Variants in MSRA observed in about 807,000 individuals in gnomAD.
The protein encoded by MSRA is mitochondrial peptide methionine sulfoxide reductase.
Under a neutral mutation model 31.3 loss-of-function variants are expected in MSRA, and 54 were observed. The ratio of observed to expected loss-of-function variants is 1.73; its 90% CI spans 1.39 to 2.17. The LOEUF is 2.17. Ranked by LOEUF, MSRA falls within the 30% of genes most tolerant of loss-of-function variation. MSRA has a pLI of 0.00. For missense variants in MSRA, 507 were observed against 300.9 expected, an observed-to-expected ratio of 1.69 and a Z score of -5.07; for synonymous variants, 169 against 116.5, an observed-to-expected ratio of 1.45 and a Z score of -2.90.
At chr8:10,392,889 GCAAAAAA>G (rs1348338346) in intron 5 of MSRA, among the ~76,000 whole-genome samples, 4 of 81,896 alleles carry the variant, frequency 4.9e-5, no homozygotes, top group Admixed American at 1.5e-4. Context: ...TACTAAAAAT[GCAAAAAA>G]AAAAAAAAAA....
rs184662955 is a variant in MSRA at position 10,410,657 on chromosome 8, C to G, written c.544-17491C>G. On this transcript the variant is annotated intron_variant, in intron 5 of 5. Transcript: ENST00000317173. The stretch of plus-strand genomic sequence containing the variant: ...GGCAGAACCAGGAGAAGAGCCCAGG[C>G]CCCTCTTGTCCCCAACCTCTATGCA... Among the ~76,000 whole-genome samples, 936 of 152,252 alleles carry G rather than the reference C, an allele frequency of 6.1e-3. 35 individuals are homozygous for G. The highest frequency in any genetic ancestry group is 0.049 in the Admixed American group (753 of 15,288).
At chr8:10,254,241 G>C (rs1424847636) in intron 3 of MSRA, among the ~76,000 whole-genome samples, 3 of 152,178 alleles carry the variant, frequency 2.0e-5, no homozygotes, top group Non-Finnish European at 4.4e-5. Flanking sequence ...GTTCTGATGA[G>C]GGTGACCACC....
At chr8:10,424,822 T>TC (rs1251473716) in intron 5 of MSRA, among the ~76,000 whole-genome samples, 1 of 152,184 alleles carries the variant, frequency 6.6e-6, no homozygotes, top group Non-Finnish European at 1.5e-5. Context: ...TCTTTGAAGA[T>TC]CGCCAAGCCT....
Position 10,283,160 on chromosome 8 carries a change from A to ACACACTCTCTCTCTCTCTCTCTCT in MSRA, c.332-18373_332-18372insACACTCTCTCTCTCTCTCTCTCTC. 4.6e-3 allele frequency among the ~76,000 whole-genome samples: 649 copies of ACACACTCTCTCTCTCTCTCTCTCT among 140,218 alleles called. 9 individuals are homozygous for ACACACTCTCTCTCTCTCTCTCTCT. The highest frequency in any genetic ancestry group is 0.031 in the East Asian group (152 of 4,910). 92.0% of individuals were successfully genotyped at this position (140,218 alleles called of 152,430 possible). A position where few individuals can be genotyped will look rare whatever the true frequency, so the allele number is the denominator to read the frequency against. On this transcript the variant is annotated intron_variant, in intron 3 of 5. Transcript: ENST00000317173. ...CACACACACACACACACACACACAC[A>ACACACTCTCTCTCTCTCTCTCTCT]CTCTCACCCTTCTCTTTGCTGGGGA...
chr8:10,071,566 T>G (rs1225538228), intron 1 of MSRA, among the ~76,000 whole-genome samples: 1 of 151,940 alleles, frequency 6.6e-6, no homozygotes, highest in Non-Finnish European at 1.5e-5. Context: ...ATGTCAAGTC[T>G]AAGAACTCTT....
intron 1 of MSRA, among the ~76,000 whole-genome samples, chr8:10,204,173 G>T (rs567372201): frequency 1.3e-5 from 2 of 152,002 alleles, no homozygotes; most frequent in African/African-American, 4.8e-5. Context: ...TACAACAGTC[G>T]AAAAGTAAAA....
chr8:10,211,683 T>C (rs1809510684), intron 2 of MSRA, among the ~76,000 whole-genome samples: 1 of 152,074 alleles, frequency 6.6e-6, no homozygotes, highest in Non-Finnish European at 1.5e-5. Flanking sequence ...CACCCAGAGA[T>C]TAAAGAAACA....
In MSRA at chr8:10,364,164, G is replaced by C. The variant is rs560904705; in HGVS notation, c.543+44175G>C. Among the ~76,000 whole-genome samples, 34 of 152,272 alleles carry C rather than the reference G, an allele frequency of 2.2e-4. 1 individual carries two copies. The highest frequency in any genetic ancestry group is 7.9e-4 in the African/African-American group (33 of 41,548). ...GAATTAGAATTGGAATTAGCTGCTTGTTCTGGCCAGAACACCTGATTGCAA... is the reference window on the plus strand; with the variant it reads ...GAATTAGAATTGGAATTAGCTGCTTCTTCTGGCCAGAACACCTGATTGCAA... On this transcript the variant is annotated intron_variant, in intron 5 of 5. Coordinates refer to ENST00000317173, the MANE Select transcript of MSRA (RefSeq NM_012331.5).
At chr8:10,058,778 C>G (rs1022203852) in intron 1 of MSRA, among the ~76,000 whole-genome samples, 1 of 152,194 alleles carries the variant, frequency 6.6e-6, no homozygotes, top group African/African-American at 2.4e-5. Flanking sequence ...TTGGTGTTAT[C>G]TTAGTTTTAA....
intron 5 of MSRA, among the ~76,000 whole-genome samples, chr8:10,339,494 G>C (rs1220395040): frequency 9.7e-6 from 1 of 102,592 alleles, no homozygotes; most frequent in African/African-American, 3.8e-5. Context: ...TTTTGTGTTT[G>C]TTTTATTCCC....
At chr8:10,348,840 G>A (rs942715341) in intron 5 of MSRA, among the ~76,000 whole-genome samples, 5 of 152,224 alleles carry the variant, frequency 3.3e-5, no homozygotes, top group East Asian at 1.9e-4. Flanking sequence ...GAGAAGGCTT[G>A]GGGGGGACAA....
chr8:10,370,866 A>G (rs1486111866), intron 5 of MSRA, among the ~76,000 whole-genome samples: 1 of 152,236 alleles, frequency 6.6e-6, no homozygotes, highest in Non-Finnish European at 1.5e-5. Context: ...TCATCTGAGC[A>G]GATAAGTGCC....
At chr8:10,309,492 C>G (rs576575670) in intron 4 of MSRA, among the ~76,000 whole-genome samples, 22 of 152,218 alleles carry the variant, frequency 1.4e-4, no homozygotes, top group Non-Finnish European at 4.4e-5. Flanking sequence ...TTCCTCAGCT[C>G]ATGTTCTGAT....
chr8:10,188,784 A>G (rs1281982973), intron 1 of MSRA, among the ~76,000 whole-genome samples: 1 of 152,188 alleles, frequency 6.6e-6, no homozygotes, highest in African/African-American at 2.4e-5. Flanking sequence ...CTGTAACCTT[A>G]CAGTAAGTCC....
At chr8:10,376,409 C>A (rs1275606038) in intron 5 of MSRA, among the ~76,000 whole-genome samples, 1 of 152,290 alleles carries the variant, frequency 6.6e-6, no homozygotes, top group African/African-American at 2.4e-5. Context: ...AGAGGCAGGA[C>A]AGCAGCATCT....
intron 1 of MSRA, among the ~76,000 whole-genome samples, chr8:10,058,715 C>T (rs996757972): frequency 1.6e-4 from 25 of 152,332 alleles, no homozygotes; most frequent in Non-Finnish European, 1.0e-4. Flanking sequence ...CAGACCAAGA[C>T]GAGGAGTGAG....
intron 5 of MSRA, chr8:10,320,234 C>T (rs532617521): frequency 1.7e-4 from 49 of 290,808 alleles, no homozygotes; most frequent in African/African-American, 4.3e-4. Context: ...TTTGGGGGGC[C>T]GAAGCAGAAG....
chr8:10,078,031 T>C (rs814413), intron 1 of MSRA, among the ~76,000 whole-genome samples: 152,120 of 152,342 alleles, frequency 1, 75,949 homozygotes, highest in Middle Eastern at 1. Context: ...CCAATTTCTG[T>C]GAAGAGCAGT....
intron 1 of MSRA, among the ~76,000 whole-genome samples, chr8:10,166,102 G>C (rs776973154): frequency 6.6e-6 from 1 of 152,184 alleles, no homozygotes; most frequent in African/African-American, 2.4e-5. Flanking sequence ...TCAAAGGTGT[G>C]TGAGCAGCAG....
Sources: gnomAD v4.1 joint callset for allele counts (sites outside exome capture counted in the v4.1 genomes callset) on GRCh38, gnomAD v4.1.1 for gene constraint, MANE v1.5 for transcripts, NCBI Gene and HGNC (gene_info 2026-07-23, HGNC 2026-07-21) for gene names.